CNTNAP5: variants seen among roughly 807,000 people sequenced by gnomAD.
CNTNAP5 encodes the protein contactin-associated protein-like 5.
CNTNAP5 carries 72 observed loss-of-function variants against 150.2 expected under a neutral mutation model. That is an observed-to-expected ratio of 0.48 (90% CI 0.40 to 0.58). The LOEUF is 0.58. Ranked by LOEUF, CNTNAP5 falls within the 20% of genes least tolerant of loss-of-function variation. The probability of loss-of-function intolerance (pLI) is 0.00; values close to 1 mark genes in which losing one functional copy is unlikely to be tolerated. For synonymous variants in CNTNAP5, 672 were observed against 619.8 expected (o/e 1.08, Z -1.25); for missense variants, 1,636 against 1,626.2 (o/e 1.01, Z -0.10).
At chr2:124,399,997 C>A (rs1691363731) in intron 3 of CNTNAP5, among the ~76,000 whole-genome samples, 1 of 152,078 alleles carries the variant, frequency 6.6e-6, no homozygotes. Context: ...AAACTCCTAT[C>A]CTTTGTTTTC....
chr2:124,444,725 G>T (rs979486379), intron 5 of CNTNAP5, among the ~76,000 whole-genome samples: 11 of 152,204 alleles, frequency 7.2e-5, no homozygotes, highest in Non-Finnish European at 1.6e-4. Context: ...GTCCTGCATA[G>T]TGGGATCCAG....
chr2:124,428,326 C>T (rs1453918826), intron 4 of CNTNAP5, among the ~76,000 whole-genome samples: 1 of 152,210 alleles, frequency 6.6e-6, no homozygotes, highest in African/African-American at 2.4e-5. Context: ...TCACCTCCTT[C>T]CAATGGATGT....
intron 9 of CNTNAP5, 81 bp downstream of exon 9, chr2:124,524,533 G>A: frequency 7.3e-7 from 1 of 1,377,428 alleles, no homozygotes; most frequent in Non-Finnish European, 9.9e-7. Context: ...TGATGGTTCT[G>A]GTTTGGTCAA....
At chr2:124,818,241 G>A (rs1181351302) in intron 19 of CNTNAP5, among the ~76,000 whole-genome samples, 1 of 152,118 alleles carries the variant, frequency 6.6e-6, no homozygotes, top group Non-Finnish European at 1.5e-5. Flanking sequence ...CCTCCTCCAA[G>A]CCCCACTGAG....
chr2:124,516,535 G>A (rs1258302628), intron 8 of CNTNAP5, among the ~76,000 whole-genome samples: 1 of 152,188 alleles, frequency 6.6e-6, no homozygotes, highest in Non-Finnish European at 1.5e-5. Context: ...TCACGCACTT[G>A]AGCAAGGAAT....
At chr2:124,690,706 G>A (rs1450782820) in intron 13 of CNTNAP5, among the ~76,000 whole-genome samples, 1 of 151,928 alleles carries the variant, frequency 6.6e-6, no homozygotes. Context: ...CCTCTGCCTA[G>A]AATACCCCCA....
chr2:124,861,988 A>AT (rs1408130922), intron 19 of CNTNAP5, among the ~76,000 whole-genome samples: 2 of 151,858 alleles, frequency 1.3e-5, no homozygotes, highest in Non-Finnish European at 2.9e-5. Flanking sequence ...TAATTTTTGT[A>AT]TTTTTTGTAG....
intron 10 of CNTNAP5, among the ~76,000 whole-genome samples, chr2:124,538,987 A>G (rs1000250594): frequency 4.6e-5 from 7 of 152,166 alleles, no homozygotes; most frequent in African/African-American, 1.7e-4. Flanking sequence ...CCTCATTTAC[A>G]TTGATGTCCA....
intron 1 of CNTNAP5, among the ~76,000 whole-genome samples, chr2:124,195,357 G>A (rs1201212618): frequency 6.6e-6 from 1 of 152,138 alleles, no homozygotes; most frequent in Non-Finnish European, 1.5e-5. Context: ...GTTGAGAAAT[G>A]CAGTGAACCC....
chr2:124,360,449 G>T (rs1358597187), intron 3 of CNTNAP5, among the ~76,000 whole-genome samples: 1 of 145,870 alleles, frequency 6.9e-6, no homozygotes, highest in Non-Finnish European at 1.5e-5. Flanking sequence ...GCTGGTACCG[G>T]TTGTTCCTTT....
Position 124,632,974 on chromosome 2 carries a change from C to T in CNTNAP5, c.1877-14784C>T, listed in dbSNP as rs59741526. On this transcript the variant is annotated intron_variant, in intron 12 of 23. Coordinates refer to ENST00000682447, the MANE Select transcript of CNTNAP5 (RefSeq NM_001367498.1). Reference sequence around the variant, plus strand: ...TCTCATGAGAACTCTATCATGAGAACAGCACTAGGAGAATGGTGCTATTTA... The same window carrying T: ...TCTCATGAGAACTCTATCATGAGAATAGCACTAGGAGAATGGTGCTATTTA... Among the ~76,000 whole-genome samples the T allele has an allele frequency of 7.6e-3, 1,161 of 152,184 alleles. 16 individuals are homozygous for T. The highest frequency in any genetic ancestry group is 0.026 in the African/African-American group (1,097 of 41,520).
chr2:124,662,251 C>G (rs1678607845), intron 13 of CNTNAP5, among the ~76,000 whole-genome samples: 2 of 152,072 alleles, frequency 1.3e-5, no homozygotes, highest in Non-Finnish European at 2.9e-5. Context: ...GGGTTTGTTC[C>G]AAGTCTTTGC....
chr2:124,490,167 C>A (rs1354142498), intron 7 of CNTNAP5, among the ~76,000 whole-genome samples: 2 of 151,986 alleles, frequency 1.3e-5, no homozygotes. Flanking sequence ...AACCCCATCT[C>A]TACTAAAAAT....
intron 1 of CNTNAP5, among the ~76,000 whole-genome samples, chr2:124,117,686 C>A (rs1268315346): frequency 2.0e-5 from 3 of 152,150 alleles, no homozygotes; most frequent in Admixed American, 6.5e-5. Flanking sequence ...TCTTAAAAAA[C>A]CAGTACTTAC....
chr2:124,918,297 A>G lies in CNTNAP5; in HGVS notation c.*4009A>G, dbSNP rs543694650. On this transcript the variant is annotated 3_prime_UTR_variant, in exon 24 of 24. Transcript: ENST00000682447. Reference sequence around the variant, plus strand: ...TTGGTTGTCATCCAGCTCTTCCTAAAACCCTCCTTAGTCCTGATGAGCCAT... The same window carrying G: ...TTGGTTGTCATCCAGCTCTTCCTAAGACCCTCCTTAGTCCTGATGAGCCAT... 6.6e-6 allele frequency among the ~76,000 whole-genome samples: 1 copy of G among 152,076 alleles called. No individual in the cohort carries two copies. The highest frequency in any genetic ancestry group is 2.1e-4 in the South Asian group (1 of 4,826).
At chr2:124,273,911 T>C (rs932081623) in intron 3 of CNTNAP5, among the ~76,000 whole-genome samples, 2 of 152,180 alleles carry the variant, frequency 1.3e-5, no homozygotes, top group African/African-American at 4.8e-5. Context: ...GTTAGCAAAA[T>C]TGCTGGAGAA....
At chr2:124,443,032 A>C (rs2104802577) in intron 5 of CNTNAP5, among the ~76,000 whole-genome samples, 1 of 152,102 alleles carries the variant, frequency 6.6e-6, no homozygotes, top group South Asian at 2.1e-4. Context: ...TATTTGCAAA[A>C]TTGCCAACAT....
chr2:124,272,173 T>C (rs1226997814), intron 3 of CNTNAP5, among the ~76,000 whole-genome samples: 3 of 152,198 alleles, frequency 2.0e-5, no homozygotes, highest in Non-Finnish European at 4.4e-5. Context: ...GACTTTGCTA[T>C]AGATAGCTAA....
intron 17 of CNTNAP5, among the ~76,000 whole-genome samples, chr2:124,781,561 A>T (rs1179867831): frequency 6.6e-6 from 1 of 152,108 alleles, no homozygotes; most frequent in African/African-American, 2.4e-5. Context: ...TTGCTCACTT[A>T]TTCAGGTATC....
Sources: allele counts gnomAD v4.1 joint callset (sites outside exome capture counted in the v4.1 genomes callset), GRCh38; gene constraint gnomAD v4.1.1; transcripts MANE v1.5; gene names NCBI Gene and HGNC (gene_info 2026-07-23, HGNC 2026-07-21).